Variants in SRBD1 observed in about 807,000 individuals in gnomAD.
SRBD1 encodes the protein S1 RNA-binding domain-containing protein 1.
SRBD1 carries 88 observed loss-of-function variants against 115.3 expected under a neutral mutation model. That is an observed-to-expected ratio of 0.76 (90% CI 0.64 to 0.91). The LOEUF (loss-of-function observed/expected upper bound fraction) is 0.91. Ranked by LOEUF, SRBD1 falls within the 40% of genes least tolerant of loss-of-function variation. SRBD1 has a pLI of 0.00. For synonymous variants in SRBD1, 509 were observed against 407.7 expected, an observed-to-expected ratio of 1.25 and a Z score of -2.99; for missense variants, 1,385 against 1,177.4, an observed-to-expected ratio of 1.18 and a Z score of -2.58.
chr2:45,454,396 TA>T (rs1386649049), intron 16 of SRBD1, among the ~76,000 whole-genome samples: 2 of 151,864 alleles, frequency 1.3e-5, no homozygotes, highest in African/African-American at 4.8e-5. Context: ...AGTGTAAACT[TA>T]TTTAAATTTA....
intron 14 of SRBD1, among the ~76,000 whole-genome samples, chr2:45,511,353 T>C (rs1670963263): frequency 6.6e-6 from 1 of 152,242 alleles, no homozygotes; most frequent in Non-Finnish European, 1.5e-5. Flanking sequence ...TCATACTGTA[T>C]CTTTTTCACT....
intron 2 of SRBD1, among the ~76,000 whole-genome samples, chr2:45,603,254 T>C (rs1674157548): frequency 1.3e-5 from 2 of 152,150 alleles, no homozygotes; most frequent in Non-Finnish European, 2.9e-5. Context: ...CGTTGTGTTA[T>C]ACATGATATA....
chr2:45,484,357 T>C (rs1225009359), intron 15 of SRBD1, among the ~76,000 whole-genome samples: 1 of 152,176 alleles, frequency 6.6e-6, no homozygotes, highest in African/African-American at 2.4e-5. Context: ...AATCCTCTTA[T>C]CTGCACAGGT....
At chr2:45,439,272 G>C (rs1207640079) in intron 16 of SRBD1, among the ~76,000 whole-genome samples, 1 of 151,232 alleles carries the variant, frequency 6.6e-6, no homozygotes, top group African/African-American at 2.4e-5. Context: ...AAAATATATG[G>C]GTAAATATAA....
At chr2:45,495,766 T>C (rs576458247) in intron 14 of SRBD1, among the ~76,000 whole-genome samples, 9 of 152,196 alleles carry the variant, frequency 5.9e-5, no homozygotes, top group Non-Finnish European at 1.0e-4. Flanking sequence ...AAACCGTTGT[T>C]TGCAACAGTA....
intron 5 of SRBD1, among the ~76,000 whole-genome samples, chr2:45,584,089 C>T (rs1009306050): frequency 6.6e-6 from 1 of 152,160 alleles, no homozygotes; most frequent in African/African-American, 2.4e-5. Flanking sequence ...TGCCTTCAAC[C>T]AAACAGAAAG....
chr2:45,599,405 A>T (rs1674015162), intron 4 of SRBD1, 44 bp downstream of exon 4: 1 of 1,576,446 alleles, frequency 6.3e-7, no homozygotes, highest in African/African-American at 1.4e-5. Flanking sequence ...GTCAAAAAGA[A>T]AGCACTCAAA....
intron 14 of SRBD1, among the ~76,000 whole-genome samples, chr2:45,491,360 T>G (rs1178127147): frequency 2.6e-5 from 4 of 152,168 alleles, no homozygotes; most frequent in African/African-American, 9.7e-5. Flanking sequence ...ACAAACAAAT[T>G]AGCCTCAAAA....
chr2:45,457,091 A>T (rs2103761129), intron 16 of SRBD1, among the ~76,000 whole-genome samples: 1 of 152,070 alleles, frequency 6.6e-6, no homozygotes, highest in East Asian at 1.9e-4. Flanking sequence ...TTGAAAAAGT[A>T]TTATCAAATA....
intron 12 of SRBD1, among the ~76,000 whole-genome samples, chr2:45,548,590 G>C (rs1397077196): frequency 6.6e-6 from 1 of 151,556 alleles, no homozygotes; most frequent in East Asian, 1.9e-4. Context: ...ACACCCAAAA[G>C]AAAGTATCAT....
chr2:45,497,571 A>G (rs759106617), intron 14 of SRBD1, among the ~76,000 whole-genome samples: 2 of 152,144 alleles, frequency 1.3e-5, no homozygotes, highest in Non-Finnish European at 2.9e-5. Context: ...ATTTCTAAGA[A>G]GTTCTCTGGT....
intron 14 of SRBD1, among the ~76,000 whole-genome samples, chr2:45,505,780 C>G (rs148220866): frequency 6.6e-6 from 1 of 151,658 alleles, no homozygotes; most frequent in African/African-American, 2.4e-5. Flanking sequence ...AAGAGAGACC[C>G]AAAGAGTTAA....
In SRBD1 at chr2:45,389,394, G is replaced by A. The variant is rs770779015; in HGVS notation, c.2904C>T (p.Gly968=). The change falls in exon 21 of 21, where the codon GGC becomes GGT. Residue 968 remains glycine (G), a synonymous_variant. Coordinates refer to ENST00000263736, the MANE Select transcript of SRBD1 (RefSeq NM_018079.5). ...CTTGGACTTCCACTCTTTCTCCGGGGCCCAGTCCAAGGCTTCTTCTCTTCT... is the reference window on the plus strand; with the variant it reads ...CTTGGACTTCCACTCTTTCTCCGGGACCCAGTCCAAGGCTTCTTCTCTTCT... The part of the protein sequence containing the change: ...KTKKRRSLGL[G]PGERVEVQVL... 3.0e-5 allele frequency: 48 copies of A among 1,614,022 alleles called. No individual in the cohort carries two copies. The highest frequency in any genetic ancestry group is 3.9e-5 in the Non-Finnish European group (46 of 1,179,946).
At chr2:45,459,202 T>C (rs189939957) in intron 16 of SRBD1, among the ~76,000 whole-genome samples, 20 of 152,286 alleles carry the variant, frequency 1.3e-4, no homozygotes, top group Non-Finnish European at 2.9e-5. Context: ...TAAAACACTA[T>C]AGACTTACAA....
At chr2:45,606,490 A>T (rs1674279279) in intron 1 of SRBD1, among the ~76,000 whole-genome samples, 1 of 152,226 alleles carries the variant, frequency 6.6e-6, no homozygotes, top group Non-Finnish European at 1.5e-5. Context: ...AATAAAGTAG[A>T]GGTCTCTCTA....
At chr2:45,429,425 A>G (rs1046715683) in intron 16 of SRBD1, among the ~76,000 whole-genome samples, 5 of 151,972 alleles carry the variant, frequency 3.3e-5, no homozygotes, top group Admixed American at 2.0e-4. Flanking sequence ...TTCCAACAGT[A>G]CATCAAAAAG....
chr2:45,562,010 G>T (rs1408810351), intron 10 of SRBD1, among the ~76,000 whole-genome samples: 1 of 151,906 alleles, frequency 6.6e-6, no homozygotes, highest in African/African-American at 2.4e-5. Context: ...GTTTATTTTT[G>T]CAAGGGAAAA....
chr2:45,505,544 C>T (rs986057347), intron 14 of SRBD1, among the ~76,000 whole-genome samples: 3 of 152,148 alleles, frequency 2.0e-5, no homozygotes, highest in Admixed American at 1.3e-4. Flanking sequence ...TCCTTCTATG[C>T]AGAGAAGAAA....
At chr2:45,472,982 T>C (rs1669696203) in intron 16 of SRBD1, among the ~76,000 whole-genome samples, 1 of 151,928 alleles carries the variant, frequency 6.6e-6, no homozygotes, top group African/African-American at 2.4e-5. Flanking sequence ...GGAGTGTCTC[T>C]TGCACATATG....
Sources: allele counts gnomAD v4.1 joint callset (sites outside exome capture counted in the v4.1 genomes callset), GRCh38; gene constraint gnomAD v4.1.1; transcripts MANE v1.5; gene names NCBI Gene and HGNC (gene_info 2026-07-23, HGNC 2026-07-21).